Variants in APBA2 observed in about 807,000 individuals in gnomAD.
APBA2 encodes amyloid beta precursor protein binding family A member 2.
Under a neutral mutation model 75.0 loss-of-function variants are expected in APBA2, and 30 were observed. The observed-to-expected ratio is 0.40, with a 90% confidence interval of 0.30 to 0.54. The LOEUF (loss-of-function observed/expected upper bound fraction) is 0.54. Ranked by LOEUF, APBA2 falls within the 20% of genes least tolerant of loss-of-function variation. The pLI is 0.49. For missense variants in APBA2, 801 were observed against 1,016.1 expected (o/e 0.79, Z 2.88); for synonymous variants, 444 against 409.6 (o/e 1.08, Z -1.01).
chr15:29,107,644 C>T (rs1004680856), intron 12 of APBA2, among the ~76,000 whole-genome samples: 2 of 152,300 alleles, frequency 1.3e-5, no homozygotes, highest in South Asian at 4.1e-4. Context: ...GAGGCCTCCA[C>T]CAGTGGCACC....
intron 6 of APBA2, among the ~76,000 whole-genome samples, chr15:29,078,155 C>T (rs961816289): frequency 1.3e-5 from 2 of 151,998 alleles, no homozygotes; most frequent in East Asian, 1.9e-4. Context: ...ATTAGCCAGG[C>T]GTGATGCTGA....
chr15:29,073,584 T>G (rs2152923258), intron 4 of APBA2, among the ~76,000 whole-genome samples: 1 of 152,350 alleles, frequency 6.6e-6, no homozygotes, highest in East Asian at 1.9e-4. Context: ...ACTCCTGACC[T>G]CAACTGATCT....
chr15:28,888,383 G>C lies in APBA2; in HGVS notation c.-205+2105G>C, dbSNP rs533803894. ...ACAGTTGATGGTGAGGTTGGCATCA[G>C]GCTGGGCTTTGTTTGGATTGGGCGG... On this transcript the variant is annotated intron_variant, in intron 1 of 14. Coordinates refer to ENST00000683413, the MANE Select transcript of APBA2 (RefSeq NM_001353788.2). Among the ~76,000 whole-genome samples the C allele has an allele frequency of 2.0e-5, 3 of 152,246 alleles. No individual in the cohort carries two copies. The South Asian group carries it at 6.2e-4, about 32-fold the overall frequency.
chr15:29,068,012 C>T (rs1400653452), intron 4 of APBA2, among the ~76,000 whole-genome samples: 5 of 152,186 alleles, frequency 3.3e-5, no homozygotes, highest in Admixed American at 1.3e-4. Flanking sequence ...AGTCTAACAT[C>T]GACTTACTAC....
intron 1 of APBA2, among the ~76,000 whole-genome samples, chr15:28,888,952 G>A (rs527272439): frequency 3.6e-4 from 55 of 151,762 alleles, no homozygotes; most frequent in Middle Eastern, 3.4e-3. Flanking sequence ...CTGTGTGCCC[G>A]GTGGGGGCTG....
chr15:28,903,813 G>A (rs566417548), intron 1 of APBA2, among the ~76,000 whole-genome samples: 1 of 152,284 alleles, frequency 6.6e-6, no homozygotes, highest in South Asian at 2.1e-4. Flanking sequence ...GTGGGCCAGT[G>A]GTGGGAAGGA....
At chr15:29,003,910 CTT>C (rs945305352) in intron 3 of APBA2, among the ~76,000 whole-genome samples, 1 of 152,232 alleles carries the variant, frequency 6.6e-6, no homozygotes, top group Non-Finnish European at 1.5e-5. Context: ...GGACAGAAGA[CTT>C]TCACAGCAAC....
chr15:29,008,713 C>T (rs193075812), intron 3 of APBA2, among the ~76,000 whole-genome samples: 134 of 152,148 alleles, frequency 8.8e-4, no homozygotes, highest in Admixed American at 9.8e-4. Flanking sequence ...CATCTCAGAA[C>T]AACAACAAAA....
intron 2 of APBA2, among the ~76,000 whole-genome samples, chr15:28,942,816 G>C (rs556654103): frequency 5.1e-4 from 78 of 152,316 alleles, no homozygotes; most frequent in Non-Finnish European, 8.1e-4. Context: ...CCTCTTCCCT[G>C]CAGGGAGAGA....
At chr15:29,081,492 A>T (rs185405979) in intron 6 of APBA2, among the ~76,000 whole-genome samples, 30 of 152,358 alleles carry the variant, frequency 2.0e-4, no homozygotes, top group Admixed American at 8.5e-4. Context: ...CTTGTATCAG[A>T]CCAAGAGCTG....
intron 2 of APBA2, among the ~76,000 whole-genome samples, chr15:28,968,999 A>G (rs557361103): frequency 6.6e-6 from 1 of 152,124 alleles, no homozygotes; most frequent in African/African-American, 2.4e-5. Flanking sequence ...GGTCAGCCAC[A>G]GTGGCTCACC....
intron 2 of APBA2, among the ~76,000 whole-genome samples, chr15:28,930,179 C>G (rs2034489366): frequency 6.6e-6 from 1 of 152,168 alleles, no homozygotes; most frequent in Non-Finnish European, 1.5e-5. Flanking sequence ...GCTGGCAGGG[C>G]TGCATTGTGG....
At chr15:28,941,518 A>G (rs543281366) in intron 2 of APBA2, among the ~76,000 whole-genome samples, 102 of 151,992 alleles carry the variant, frequency 6.7e-4, no homozygotes, top group Middle Eastern at 3.4e-3. Flanking sequence ...AAAAAAAAAA[A>G]AAAAAAAGAG....
At chr15:29,075,435 C>T (rs941956218) in intron 5 of APBA2, among the ~76,000 whole-genome samples, 4 of 152,072 alleles carry the variant, frequency 2.6e-5, no homozygotes, top group African/African-American at 9.7e-5. Context: ...GAGCAGCATC[C>T]GTGGCCTCAA....
intron 3 of APBA2, among the ~76,000 whole-genome samples, chr15:29,010,934 A>G (rs2039373389): frequency 6.6e-6 from 1 of 152,178 alleles, no homozygotes; most frequent in Admixed American, 6.5e-5. Context: ...GTAAATTCAT[A>G]ATGTTGTGAA....
rs16955143 is a variant in APBA2 at position 29,114,117 on chromosome 15, A to G, written c.2178+101A>G. On this transcript the variant is annotated intron_variant, in intron 14 of 14. Transcript: ENST00000683413. ...GCTCCAGAGGACACAGGGCATCTGA[A>G]GGTCAGCCAGGCTGTGTCTCCCATC... 1.3e-3 allele frequency: 2,076 copies of G among 1,538,758 alleles called. 26 individuals carry two copies. The African/African-American group carries it at 0.024, about 18-fold the overall frequency.
At chr15:28,901,177 C>T (rs1392514912) in intron 1 of APBA2, among the ~76,000 whole-genome samples, 3 of 152,242 alleles carry the variant, frequency 2.0e-5, no homozygotes, top group Non-Finnish European at 4.4e-5. Context: ...ATACTGCAGG[C>T]ACGCTTGGCT....
chr15:28,994,545 C>G (rs537967338), intron 2 of APBA2, among the ~76,000 whole-genome samples: 1 of 152,138 alleles, frequency 6.6e-6, no homozygotes, highest in African/African-American at 2.4e-5. Flanking sequence ...GCTCCCTTAA[C>G]GGGTAGCTTG....
At chr15:29,027,284 T>TAAA (rs1424188146) in intron 3 of APBA2, among the ~76,000 whole-genome samples, 6 of 152,234 alleles carry the variant, frequency 3.9e-5, no homozygotes, top group African/African-American at 1.4e-4. Flanking sequence ...GTCTGGCCTT[T>TAAA]ATTAGGTTAC....
Sources: gnomAD v4.1 joint callset for allele counts (sites outside exome capture counted in the v4.1 genomes callset) on GRCh38, gnomAD v4.1.1 for gene constraint, MANE v1.5 for transcripts, NCBI Gene and HGNC (gene_info 2026-07-23, HGNC 2026-07-21) for gene names.